The following PXDN variants were observed in gnomAD, a reference collection of about 807,000 sequenced individuals.
The protein encoded by PXDN is peroxidasin homolog.
A neutral mutation model predicts 140.3 loss-of-function variants in PXDN; 77 were observed. That is an observed-to-expected ratio of 0.55 (90% CI 0.46 to 0.66). The LOEUF is 0.66. PXDN is among the 30% of genes least tolerant of loss of function. PXDN has a pLI of 0.00. For missense variants in PXDN, 1,838 were observed against 2,039.5 expected (o/e 0.90, Z 1.90); for synonymous variants, 911 against 857.4 (o/e 1.06, Z -1.09).
At chr2:1,718,855 C>A (rs1684951591) in intron 1 of PXDN, among the ~76,000 whole-genome samples, 1 of 152,240 alleles carries the variant, frequency 6.6e-6, no homozygotes, top group Non-Finnish European at 1.5e-5. Context: ...CAGGGCAGGG[C>A]AAGGCAGAGC....
At chr2:1,650,156 A>C (rs960366418) in intron 16 of PXDN, among the ~76,000 whole-genome samples, 3 of 152,190 alleles carry the variant, frequency 2.0e-5, no homozygotes, top group African/African-American at 7.2e-5. Context: ...ATCTCGGTCC[A>C]CTGAGGCTTC....
At chr2:1,635,988 C>CT (rs1682548532) in intron 21 of PXDN, 1 of 269,682 alleles carries the variant, frequency 3.7e-6, no homozygotes, top group Admixed American at 5.2e-5. Flanking sequence ...CAGAAGCCTC[C>CT]TGGAAGGGTC....
At chr2:1,634,711 G>C (rs1480987248) in intron 22 of PXDN, among the ~76,000 whole-genome samples, 1 of 152,158 alleles carries the variant, frequency 6.6e-6, no homozygotes, top group South Asian at 2.1e-4. Flanking sequence ...CTAGAGAGAG[G>C]GGGGAAGGGA....
chr2:1,741,117 G>A (rs1490770669), intron 1 of PXDN, among the ~76,000 whole-genome samples: 1 of 152,158 alleles, frequency 6.6e-6, no homozygotes, highest in Non-Finnish European at 1.5e-5. Context: ...AGGAGGGCGT[G>A]GAGGGCCTAG....
intron 3 of PXDN, among the ~76,000 whole-genome samples, chr2:1,690,178 C>T (rs1267614697): frequency 6.6e-6 from 1 of 152,146 alleles, no homozygotes; most frequent in Non-Finnish European, 1.5e-5. Flanking sequence ...GAAAGGGTCC[C>T]CGGGCCTCTC....
intron 1 of PXDN, among the ~76,000 whole-genome samples, chr2:1,715,929 C>A (rs1684884230): frequency 6.6e-6 from 1 of 152,192 alleles, no homozygotes; most frequent in South Asian, 2.1e-4. Context: ...GCGTATGACA[C>A]AGACATAGTT....
At position 1,732,646 on chromosome 2, in the gene PXDN, T is replaced by C. The variant is rs140537570; in HGVS notation, c.200+11610A>G. Reference sequence around the variant, plus strand: ...CTTAAAGAACCAAACTGTTTCCATATAACTGTACCAAGTACAAAGCTCAAG... The same window carrying C: ...CTTAAAGAACCAAACTGTTTCCATACAACTGTACCAAGTACAAAGCTCAAG... On this transcript the variant is annotated intron_variant, in intron 1 of 22. Coordinates refer to ENST00000252804, the MANE Select transcript of PXDN (RefSeq NM_012293.3). Among the ~76,000 whole-genome samples, 810 of 152,300 alleles carry C rather than the reference T, an allele frequency of 5.3e-3. 3 individuals are homozygous for C. The highest frequency in any genetic ancestry group is 0.016 in the African/African-American group (652 of 41,558).
At position 1,654,392 on chromosome 2, in the gene PXDN, C is replaced by T. The variant is rs773357398; in HGVS notation, c.1946+8G>A. On this transcript the variant is annotated splice_region_variant and intron_variant, in intron 15 of 22. Transcript: ENST00000252804. Reference sequence around the variant, plus strand: ...TTGAGGGTCAGCGTGTTTACAGCCCCACGATACCTGTCAAACAAATGTGTT... The same window carrying T: ...TTGAGGGTCAGCGTGTTTACAGCCCTACGATACCTGTCAAACAAATGTGTT... 3.4e-5 allele frequency: 54 copies of T among 1,603,514 alleles called. No homozygotes were observed. The highest frequency in any genetic ancestry group is 4.4e-5 in the Non-Finnish European group (51 of 1,170,544).
rs1234103530 is a variant in PXDN at position 1,687,404 on chromosome 2, C to A, written c.416+228G>T. On this transcript the variant is annotated intron_variant, in intron 4 of 22. Coordinates refer to ENST00000252804, the MANE Select transcript of PXDN (RefSeq NM_012293.3). The surrounding 1 kb of genome is among the most constrained non-coding windows in gnomAD (Gnocchi z 4.0). Reference sequence around the variant, plus strand: ...GGGCCTGGTGCCGCCGTAAGGAAACCAGGGATACGTCCTGAGGGGTGGGTG... The same window carrying A: ...GGGCCTGGTGCCGCCGTAAGGAAACAAGGGATACGTCCTGAGGGGTGGGTG... 2.0e-5 allele frequency among the ~76,000 whole-genome samples: 3 copies of A among 152,058 alleles called. No individual in the cohort carries two copies. The highest frequency in any genetic ancestry group is 2.4e-5 in the African/African-American group (1 of 41,398).
rs1057035463 is a variant in PXDN at position 1,651,963 on chromosome 2, G to T, written c.2104+1665C>A. ...GAGGGTGTGCCCTGACAGGCAGGTG[G>T]AACGAATAAGTGAAGAAATGAGTGC... On this transcript the variant is annotated intron_variant, in intron 16 of 22. Coordinates refer to ENST00000252804, the MANE Select transcript of PXDN (RefSeq NM_012293.3). The surrounding 1 kb of genome is among the most constrained non-coding windows in gnomAD (Gnocchi z 4.4). Among the ~76,000 whole-genome samples the T allele has an allele frequency of 2.0e-5, 3 of 152,334 alleles. No individual in the cohort carries two copies. Among genetic ancestry groups the T allele is most frequent in the African/African-American group, 7.2e-5 (3 of 41,578 alleles).
intron 1 of PXDN, among the ~76,000 whole-genome samples, chr2:1,727,776 G>A (rs973117771): frequency 2.0e-5 from 3 of 152,178 alleles, no homozygotes; most frequent in African/African-American, 4.8e-5. Context: ...TCCACGTGGC[G>A]TGTTCTTTCT....
chr2:1,678,071 C>T (rs998545210), intron 7 of PXDN, among the ~76,000 whole-genome samples: 2 of 152,182 alleles, frequency 1.3e-5, no homozygotes, highest in South Asian at 2.1e-4. Flanking sequence ...TTGCACAGCC[C>T]GGGTCAGGAG....
chr2:1,720,517 G>A (rs1297392551), intron 1 of PXDN, among the ~76,000 whole-genome samples: 1 of 152,078 alleles, frequency 6.6e-6, no homozygotes, highest in Non-Finnish European at 1.5e-5. Context: ...CAAGTCCAGA[G>A]TCTGCAGGGA....
At chr2:1,702,398 C>T (rs995323810) in intron 1 of PXDN, among the ~76,000 whole-genome samples, 9 of 152,216 alleles carry the variant, frequency 5.9e-5, no homozygotes, top group Non-Finnish European at 8.8e-5. Flanking sequence ...GCTGCATGGA[C>T]GGGGCAAGGA....
intron 14 of PXDN, among the ~76,000 whole-genome samples, chr2:1,657,934 C>A (rs958925466): frequency 2.0e-5 from 3 of 149,804 alleles, no homozygotes; most frequent in East Asian, 2.0e-4. Flanking sequence ...AGGAACCTGC[C>A]CCCTCTTGCC....
chr2:1,738,701 AC>A (rs367657102), intron 1 of PXDN, among the ~76,000 whole-genome samples: 10 of 152,210 alleles, frequency 6.6e-5, no homozygotes, highest in African/African-American at 2.4e-4. Flanking sequence ...GGTGTGCACC[AC>A]CAGGCCCAGC....
Position 1,660,924 on chromosome 2 carries a change from G to C in PXDN, c.1794C>G (p.Asn598Lys). Residue 598 changes from asparagine (N) to lysine (K), a missense_variant, in exon 14 of 23, where the codon AAC becomes AAG. By Grantham distance (94) the Asn-to-Lys change is moderately conservative. Around this residue, in one of 5 missense-constraint regions of PXDN, gnomAD observed 537 missense variants for 583.9 expected, o/e 0.92. Transcript: ENST00000252804. This position sits in a 1 kb window ranked among gnomAD's most constrained non-coding sequence, Gnocchi z 4.6. ...TGCTCACCGAGGCCGACCCAATGGT[G>C]TTCCGGGCCACACACTCATAGCGAC... Reference protein sequence around the residue: ...DAGRYECVARNTIGSASVSMV... With the variant: ...DAGRYECVARKTIGSASVSMV... The C allele has an allele frequency of 1.2e-6, 2 of 1,613,954 alleles. No homozygotes were observed. Among genetic ancestry groups the C allele is most frequent in the Non-Finnish European group, 1.7e-6 (2 of 1,179,880 alleles).
intron 1 of PXDN, among the ~76,000 whole-genome samples, chr2:1,723,675 AATGGATGG>A (rs543877016): frequency 5.3e-5 from 8 of 151,822 alleles, no homozygotes; most frequent in Admixed American, 2.0e-4. Flanking sequence ...TGAATGGATT[AATGGATGG>A]ATGGATGGAT....
intron 9 of PXDN, among the ~76,000 whole-genome samples, chr2:1,668,634 G>A (rs755649391): frequency 6.6e-6 from 1 of 151,284 alleles, no homozygotes; most frequent in East Asian, 1.9e-4. Context: ...TCTAAAAGTG[G>A]GTTAAGGATA....
Sources: allele counts gnomAD v4.1 joint callset (sites outside exome capture counted in the v4.1 genomes callset), GRCh38; gene constraint gnomAD v4.1.1; regional missense constraint gnomAD v4.1.1; non-coding constraint Gnocchi (gnomAD v3.1); transcripts MANE v1.5; gene names NCBI Gene and HGNC (gene_info 2026-07-23, HGNC 2026-07-21).